YY1: variants seen among roughly 807,000 people sequenced by gnomAD.
YY1 encodes transcriptional repressor protein YY1.
A neutral mutation model predicts 35.6 loss-of-function variants in YY1; 2 were observed. That is an observed-to-expected ratio of 0.06 (90% CI 0.02 to 0.18). The LOEUF is 0.18. YY1 is among the 10% of genes least tolerant of loss of function. The pLI, the probability that YY1 is intolerant of heterozygous loss-of-function variation, is 1.00. For missense variants in YY1, 322 were observed against 573.4 expected (o/e 0.56, Z 4.48); for synonymous variants, 268 against 238.9 (o/e 1.12, Z -1.12).
Position 100,239,205 on chromosome 14 carries a change from A to G in YY1, c.-40A>G. 7.1e-7 allele frequency: 1 copy of G among 1,415,918 alleles called. No individual in the cohort carries two copies. The highest frequency in any genetic ancestry group is 9.2e-7 in the Non-Finnish European group (1 of 1,091,094). 87.7% of individuals were successfully genotyped at this position (1,415,918 alleles called of 1,614,324 possible). On this transcript the variant is annotated 5_prime_UTR_variant, in exon 1 of 5. Transcript: ENST00000262238. ...CTCGCCCGCCCGCCCGCAGCCGAGG[A>G]GCCGAGGCCGCCGCGGCCGTGGCGG...
chr14:100,248,414 A>T (rs1046647758), intron 1 of YY1, among the ~76,000 whole-genome samples: 1 of 151,806 alleles, frequency 6.6e-6, no homozygotes, highest in East Asian at 1.9e-4. Context: ...GAGCTACTGT[A>T]CCCAGCCTAC....
Position 100,262,351 on chromosome 14 carries a change from A to G in YY1, c.727A>G (p.Ile243Val), listed in dbSNP as rs200352133. The G allele has an allele frequency of 9.5e-5, 154 of 1,613,976 alleles. No individual in the cohort carries two copies. Among genetic ancestry groups the G allele is most frequent in the Non-Finnish European group, 1.2e-4 (146 of 1,180,042 alleles). The change falls in exon 2 of 5, where the codon ATT (isoleucine) becomes GTT (valine). Residue 243 changes from isoleucine (I) to valine (V), a missense_variant. This residue lies in a region of YY1 where 152 missense variants were observed against 167.1 expected (regional missense o/e 0.91). Coordinates refer to ENST00000262238, the MANE Select transcript of YY1 (RefSeq NM_003403.5). Reference protein sequence around the residue: ...DHETVVEEQIIGENSPPDYSE... With the variant: ...DHETVVEEQIVGENSPPDYSE... ...TGAGACAGTGGTTGAAGAACAGATC[A>G]TTGGAGAGAACTCACCTCCTGATTA...
In YY1 at chr14:100,280,356, A is replaced by G. The variant is rs979571115; in HGVS notation, c.*2756A>G. The G allele has an allele frequency of 6.6e-6, 1 of 152,230 alleles. No individual in the cohort carries two copies. Among genetic ancestry groups the G allele is most frequent in the African/African-American group, 2.4e-5 (1 of 41,464 alleles). 9.4% of individuals were successfully genotyped at this position (152,230 alleles called of 1,614,324 possible). A position where few individuals can be genotyped will look rare whatever the true frequency, so the allele number is the denominator to read the frequency against. On this transcript the variant is annotated 3_prime_UTR_variant, in exon 5 of 5. Transcript: ENST00000262238. ...GCAGAAATAAATGCATGTTTCTAGC[A>G]TATGTAATATAAAAACTCCAGAGGA... is the stretch of plus-strand genomic sequence containing the variant.
At chr14:100,250,776 A>C (rs894153016) in intron 1 of YY1, among the ~76,000 whole-genome samples, 4 of 151,098 alleles carry the variant, frequency 2.6e-5, no homozygotes, top group African/African-American at 2.4e-5. Flanking sequence ...AGGTGGGAGG[A>C]TCTGAGGCCA....
intron 1 of YY1, among the ~76,000 whole-genome samples, chr14:100,257,524 G>A (rs1308536034): frequency 6.6e-6 from 1 of 152,100 alleles, no homozygotes; most frequent in Non-Finnish European, 1.5e-5. Flanking sequence ...CCTTTGGAAG[G>A]TAATTTAGGT....
intron 1 of YY1, among the ~76,000 whole-genome samples, chr14:100,258,129 C>CA (rs34289465): frequency 0.015 from 2,136 of 144,658 alleles, 36 homozygotes; most frequent in African/African-American, 0.044. Flanking sequence ...GAGACTGTGT[C>CA]AAAAAAAAAA....
intron 1 of YY1, among the ~76,000 whole-genome samples, chr14:100,259,489 T>C (rs1318353544): frequency 1.3e-5 from 2 of 151,370 alleles, no homozygotes; most frequent in African/African-American, 2.4e-5. Flanking sequence ...CACTGCACTC[T>C]AGCCTGGGTG....
Position 100,239,270 on chromosome 14 carries a change from T to A in YY1, c.26T>A (p.Ile9Asn). Residue 9 changes from isoleucine (I) to asparagine (N), a missense_variant, in exon 1 of 5, where the codon ATC becomes AAC. By Grantham distance (149) the Ile-to-Asn change is moderately radical. This residue lies in a region of YY1 where 137 missense variants were observed against 167.0 expected (regional missense o/e 0.82). Transcript: ENST00000262238. MASGDTLY[I>N]ATDGSEMPAE... The stretch of plus-strand genomic sequence containing the variant: ...ATGGCCTCGGGCGACACCCTCTACA[T>A]CGCCACGGACGGCTCGGAGATGCCG... The A allele has an allele frequency of 3.8e-6, 6 of 1,559,488 alleles. No individual in the cohort carries two copies. The highest frequency in any genetic ancestry group is 4.3e-6 in the Non-Finnish European group (5 of 1,153,250).
chr14:100,260,781 T>TC, intron 1 of YY1, among the ~76,000 whole-genome samples: 1 of 22,442 alleles, frequency 4.5e-5, no homozygotes, highest in South Asian at 5.2e-3. Flanking sequence ...CTTTTTTTTT[T>TC]TTTTTTTTTT....
At chr14:100,269,751 T>C (rs1342831787) in intron 2 of YY1, among the ~76,000 whole-genome samples, 3 of 152,186 alleles carry the variant, frequency 2.0e-5, no homozygotes, top group African/African-American at 7.2e-5. Flanking sequence ...AATCTTCCAC[T>C]TACTCCTTAA....
intron 2 of YY1, among the ~76,000 whole-genome samples, chr14:100,272,243 C>T (rs1891249512): frequency 6.6e-6 from 1 of 150,918 alleles, no homozygotes; most frequent in Non-Finnish European, 1.5e-5. Flanking sequence ...TTGCAGTGAG[C>T]CGAGATAGCG....
At chr14:100,261,219 T>C (rs1891082708) in intron 1 of YY1, among the ~76,000 whole-genome samples, 1 of 152,168 alleles carries the variant, frequency 6.6e-6, no homozygotes, top group Non-Finnish European at 1.5e-5. Context: ...AGACAGACTC[T>C]CACTCTGTCA....
intron 1 of YY1, among the ~76,000 whole-genome samples, chr14:100,248,483 G>A (rs947140126): frequency 6.6e-6 from 1 of 151,866 alleles, no homozygotes; most frequent in East Asian, 1.9e-4. Context: ...GAGATATTAG[G>A]AACTCTTGAG....
At chr14:100,245,157 C>G (rs947146503) in intron 1 of YY1, among the ~76,000 whole-genome samples, 10 of 151,596 alleles carry the variant, frequency 6.6e-5, no homozygotes, top group African/African-American at 1.2e-4. Context: ...AGGATGGTCT[C>G]GATCTCCTGA....
intron 1 of YY1, among the ~76,000 whole-genome samples, chr14:100,248,493 GA>G (rs200930890): frequency 2.6e-5 from 4 of 151,206 alleles, no homozygotes; most frequent in Non-Finnish European, 4.4e-5. Context: ...GAACTCTTGA[GA>G]AAAAAAAATT....
intron 1 of YY1, among the ~76,000 whole-genome samples, chr14:100,243,085 C>G (rs929587113): frequency 1.3e-5 from 2 of 152,132 alleles, no homozygotes; most frequent in Non-Finnish European, 2.9e-5. Flanking sequence ...GGAATTATTA[C>G]TAAAGAGAAG....
intron 1 of YY1, 152 bp from the exon 2 acceptor site, chr14:100,262,152 G>C: frequency 2.6e-6 from 2 of 761,334 alleles, no homozygotes; most frequent in Non-Finnish European, 4.2e-6. Context: ...GACAGAGTGA[G>C]ACCGTTCTCC....
At chr14:100,240,022 G>C (rs1299265813) in intron 1 of YY1, 99 bp downstream of exon 1, 6 of 1,167,062 alleles carry the variant, frequency 5.1e-6, no homozygotes, top group Non-Finnish European at 6.7e-6. Flanking sequence ...CTTCGCCAGG[G>C]CAAGTATGGC....
intron 2 of YY1, among the ~76,000 whole-genome samples, chr14:100,268,571 C>T (rs911334774): frequency 6.6e-6 from 1 of 152,070 alleles, no homozygotes; most frequent in Non-Finnish European, 1.5e-5. Context: ...CACTACTTAC[C>T]CTGAGACTTT....
Sources: gnomAD v4.1 joint callset for allele counts (sites outside exome capture counted in the v4.1 genomes callset) on GRCh38, gnomAD v4.1.1 for gene constraint, gnomAD v4.1.1 regional missense constraint, MANE v1.5 for transcripts, NCBI Gene and HGNC (gene_info 2026-07-23, HGNC 2026-07-21) for gene names.